MYRFL: variants seen among roughly 807,000 people sequenced by gnomAD.
MYRFL encodes the protein myelin regulatory factor-like protein.
A neutral mutation model predicts 109.4 loss-of-function variants in MYRFL; 88 were observed. The observed-to-expected ratio is 0.80, with a 90% CI of 0.68 to 0.96. The LOEUF (loss-of-function observed/expected upper bound fraction) is 0.96, where lower values mean the gene tolerates loss of function less well. Ranked by LOEUF, MYRFL falls within the 40% of genes least tolerant of loss-of-function variation. MYRFL has a pLI of 0.00. For synonymous variants in MYRFL, 324 were observed against 320.9 expected (o/e 1.01, Z -0.10); for missense variants, 957 against 954.9 (o/e 1.00, Z -0.03).
At chr12:69,835,912 C>G (rs774411374) in intron 1 of MYRFL, among the ~76,000 whole-genome samples, 1 of 152,194 alleles carries the variant, frequency 6.6e-6, no homozygotes, top group Non-Finnish European at 1.5e-5. Flanking sequence ...ACAGTGTGCT[C>G]TTTTAGTTTT....
At position 69,878,884 on chromosome 12, in the gene MYRFL, A is replaced by G. The variant is rs540734630; in HGVS notation, c.138-144A>G. On this transcript the variant is annotated intron_variant, in intron 2 of 24. Coordinates refer to ENST00000552032, the MANE Select transcript of MYRFL (RefSeq NM_182530.3). ...CTTGGGCCTGGTCTGCTGGGGTCTC[A>G]CTTCCCAAACCCCTCACCCCCCCAT... The G allele has an allele frequency of 5.8e-4, 375 of 650,364 alleles. 2 individuals carry two copies. The highest frequency in any genetic ancestry group is 6.3e-4 in the South Asian group (36 of 57,472). 40.3% of individuals were successfully genotyped at this position (650,364 alleles called of 1,614,324 possible).
rs756540127 is a variant in MYRFL, at chr12:69,879,078, C to G, written c.188C>G (p.Ser63Cys). 9 of 703,028 alleles carry G rather than the reference C, an allele frequency of 1.3e-5. No homozygotes were observed. The highest frequency in any genetic ancestry group is 2.0e-5 in the Admixed American group (1 of 50,018). The allele number at this position is 703,028 out of a possible 1,614,324, so 43.5% of individuals were successfully genotyped here. ...CCCTATTCTGCATCCGACTCATGCT[C>G]TCCTCCGCAGGTCAAAGGTGAGTGC... ...TPPYSASDSC[S>C]PPQVKGACYP... Residue 63 changes from serine (S) to cysteine (C), a missense_variant, in exon 3 of 25, where the codon TCT becomes TGT. By Grantham distance (112) the Ser-to-Cys change is moderately radical. Transcript: ENST00000552032.
intron 20 of MYRFL, 146 bp downstream of exon 20, chr12:69,952,321 C>T (rs537556126): frequency 1.5e-4 from 101 of 685,834 alleles, no homozygotes; most frequent in Non-Finnish European, 2.2e-4. Context: ...GTGTTATAAT[C>T]GATGCCACCC....
At chr12:69,853,418 G>A (rs1331682321) in intron 1 of MYRFL, among the ~76,000 whole-genome samples, 1 of 149,612 alleles carries the variant, frequency 6.7e-6, no homozygotes, top group African/African-American at 2.5e-5. Context: ...GGGCAGAGAC[G>A]CTCCTCACCT....
At position 69,958,595 on chromosome 12, in the gene MYRFL, C is replaced by T. The variant is rs1218212918; in HGVS notation, c.*64C>T. The stretch of plus-strand genomic sequence containing the variant: ...CAGGAATACATTTAACAGAAACGAA[C>T]ATCCTCTTGCAACTTCTTTTTTCTT... On this transcript the variant is annotated 3_prime_UTR_variant, in exon 25 of 25. Transcript: ENST00000552032. 20 of 1,173,278 alleles carry T rather than the reference C, an allele frequency of 1.7e-5. No homozygotes were observed. Among genetic ancestry groups the T allele is most frequent in the Non-Finnish European group, 2.4e-5 (20 of 842,136 alleles). The allele number at this position is 1,173,278 out of a possible 1,614,324, so 72.7% of individuals were successfully genotyped here.
chr12:69,898,060 G>A (rs1954058667), intron 10 of MYRFL, among the ~76,000 whole-genome samples: 1 of 152,202 alleles, frequency 6.6e-6, no homozygotes, highest in African/African-American at 2.4e-5. Context: ...TGTTGTTATG[G>A]ATCTTTGAAG....
At chr12:69,839,912 G>A (rs1019980062) in intron 1 of MYRFL, among the ~76,000 whole-genome samples, 3 of 152,100 alleles carry the variant, frequency 2.0e-5, no homozygotes, top group Non-Finnish European at 4.4e-5. Flanking sequence ...TCTGACCTAT[G>A]CATAGAGGAA....
chr12:69,936,019 G>C, intron 16 of MYRFL, 94 bp from the exon 17 acceptor site: 2 of 1,395,648 alleles, frequency 1.4e-6, no homozygotes. Flanking sequence ...GCCTGTGAGA[G>C]TACATCTCTG....
At chr12:69,854,069 G>A (rs564450588) in intron 1 of MYRFL, among the ~76,000 whole-genome samples, 1 of 152,388 alleles carries the variant, frequency 6.6e-6, no homozygotes, top group South Asian at 2.1e-4. Context: ...TGAGCACTGA[G>A]TTAGTGAGAC....
At chr12:69,881,487 A>T (rs1886104531) in intron 5 of MYRFL, among the ~76,000 whole-genome samples, 1 of 152,224 alleles carries the variant, frequency 6.6e-6, no homozygotes, top group South Asian at 2.1e-4. Context: ...GGGAAAAAAC[A>T]CAGTCTCTCT....
At chr12:69,942,837 G>A (rs557934107) in intron 19 of MYRFL, among the ~76,000 whole-genome samples, 4,878 of 151,908 alleles carry the variant, frequency 0.032, 253 homozygotes, top group African/African-American at 0.11. Flanking sequence ...CTTCAGCAAA[G>A]TCTCAGGCTA....
intron 1 of MYRFL, among the ~76,000 whole-genome samples, chr12:69,854,410 G>GACTC (rs1404979213): frequency 6.6e-6 from 1 of 151,804 alleles, no homozygotes; most frequent in Non-Finnish European, 1.5e-5. Context: ...TTGAGATGGA[G>GACTC]ACTCACTCTG....
chr12:69,875,875 A>C (rs1388543534), intron 2 of MYRFL, among the ~76,000 whole-genome samples: 2 of 152,194 alleles, frequency 1.3e-5, no homozygotes. Context: ...TTGTACCTGG[A>C]CATTGTGAAT....
At chr12:69,933,635 T>C (rs1955341782) in intron 16 of MYRFL, among the ~76,000 whole-genome samples, 1 of 152,112 alleles carries the variant, frequency 6.6e-6, no homozygotes, top group East Asian at 1.9e-4. Context: ...TACTGCCCAC[T>C]GTAGGGAGAT....
At chr12:69,911,424 T>C (rs1240564893) in intron 13 of MYRFL, among the ~76,000 whole-genome samples, 5 of 152,240 alleles carry the variant, frequency 3.3e-5, no homozygotes, top group Non-Finnish European at 7.3e-5. Context: ...GTTTTTTTGA[T>C]GAAACGGTGT....
At chr12:69,888,356 C>T (rs949620795) in intron 6 of MYRFL, among the ~76,000 whole-genome samples, 14 of 152,282 alleles carry the variant, frequency 9.2e-5, no homozygotes, top group African/African-American at 2.9e-4. Context: ...CAGAAAAACA[C>T]CCATCTTTTC....
chr12:69,879,485 C>G (rs1885923420), intron 4 of MYRFL, 32 bp downstream of exon 4: 1 of 681,578 alleles, frequency 1.5e-6, no homozygotes, highest in Admixed American at 2.1e-5. Context: ...TATCAAAGAC[C>G]TTTGCGGAAA....
chr12:69,891,232 G>A, intron 7 of MYRFL, 66 bp downstream of exon 7: 1 of 1,189,756 alleles, frequency 8.4e-7, no homozygotes, highest in Non-Finnish European at 1.1e-6. Context: ...GTCTATTGCT[G>A]CATGACAAAC....
chr12:69,949,585 C>A (rs956503419), intron 19 of MYRFL, among the ~76,000 whole-genome samples: 2 of 151,794 alleles, frequency 1.3e-5, no homozygotes, highest in Non-Finnish European at 2.9e-5. Flanking sequence ...CGGCCCAGGA[C>A]GGCTTTGAAT....
Sources: allele counts gnomAD v4.1 joint callset (sites outside exome capture counted in the v4.1 genomes callset), GRCh38; gene constraint gnomAD v4.1.1; transcripts MANE v1.5; gene names NCBI Gene and HGNC (gene_info 2026-07-23, HGNC 2026-07-21).